Variants in RPRD2 observed in about 807,000 individuals in gnomAD.
RPRD2 encodes the protein regulation of nuclear pre-mRNA domain containing 2, also known as regulation of nuclear pre-mRNA domain-containing protein 2.
A neutral mutation model predicts 104.4 loss-of-function variants in RPRD2; 12 were observed. The observed-to-expected ratio is 0.11, with a 90% CI of 0.07 to 0.19. The LOEUF is 0.19. Ranked by LOEUF, RPRD2 falls within the 10% of genes least tolerant of loss-of-function variation. The pLI, the probability that RPRD2 is intolerant of heterozygous loss-of-function variation, is 1.00. For missense variants in RPRD2, 1,543 were observed against 1,790.1 expected (o/e 0.86, Z 2.49); for synonymous variants, 714 against 684.9 (o/e 1.04, Z -0.66).
chr1:150,395,902 C>T lies in RPRD2; in HGVS notation c.206-21694C>T, dbSNP rs1290142063. 3.3e-5 allele frequency among the ~76,000 whole-genome samples: 5 copies of T among 152,282 alleles called. No individual in the cohort carries two copies. The South Asian group carries it at 8.3e-4, about 25-fold the overall frequency. On this transcript the variant is annotated intron_variant, in intron 1 of 10. Coordinates refer to ENST00000369068, the MANE Select transcript of RPRD2 (RefSeq NM_015203.5). ...CACATGGTAGTTCTACTTTTAGTTCCTTAAGGAATCTCCACACTGTTTTCC... is the reference window on the plus strand; with the variant it reads ...CACATGGTAGTTCTACTTTTAGTTCTTTAAGGAATCTCCACACTGTTTTCC...
At chr1:150,427,472 C>CAAAAA (rs111542386) in intron 2 of RPRD2, among the ~76,000 whole-genome samples, 3 of 125,654 alleles carry the variant, frequency 2.4e-5, no homozygotes, top group Non-Finnish European at 5.1e-5. Context: ...GACTCTATCT[C>CAAAAA]AAAAAAAAAA....
chr1:150,440,229 A>C (rs1350840444), intron 2 of RPRD2, among the ~76,000 whole-genome samples: 1 of 151,610 alleles, frequency 6.6e-6, no homozygotes, highest in Non-Finnish European at 1.5e-5. Context: ...CTGGTCTCAA[A>C]CTCCTGACCT....
chr1:150,383,913 C>A (rs1661342935), intron 1 of RPRD2, among the ~76,000 whole-genome samples: 2 of 152,244 alleles, frequency 1.3e-5, no homozygotes, highest in African/African-American at 4.8e-5. Context: ...ATATACCATA[C>A]TATAGTAGTG....
chr1:150,387,911 C>CTT (rs1224608397), intron 1 of RPRD2, among the ~76,000 whole-genome samples: 4 of 116,966 alleles, frequency 3.4e-5, no homozygotes, highest in African/African-American at 3.7e-5. Context: ...TTTTTCTTTT[C>CTT]TCTTTTTTTT....
chr1:150,394,884 A>G (rs1490761302), intron 1 of RPRD2, among the ~76,000 whole-genome samples: 2 of 152,190 alleles, frequency 1.3e-5, no homozygotes, highest in East Asian at 1.9e-4. Context: ...CCTGGCCACA[A>G]AAATTGCTTC....
chr1:150,439,075 C>T (rs1323671269), intron 2 of RPRD2, among the ~76,000 whole-genome samples: 3 of 152,068 alleles, frequency 2.0e-5, no homozygotes, highest in East Asian at 3.9e-4. Context: ...CCTTGTGATC[C>T]GCCTCCCTCG....
chr1:150,394,163 G>A (rs922749944), intron 1 of RPRD2, among the ~76,000 whole-genome samples: 12 of 151,496 alleles, frequency 7.9e-5, no homozygotes, highest in South Asian at 2.1e-4. Context: ...CGATTCTCCT[G>A]ACTCAGCCTC....
intron 1 of RPRD2, among the ~76,000 whole-genome samples, chr1:150,397,326 G>A (rs1483538664): frequency 6.6e-6 from 1 of 152,036 alleles, no homozygotes; most frequent in Admixed American, 6.6e-5. Context: ...TTGGGTGGTG[G>A]GGAGTCAGGT....
At chr1:150,375,058 G>A (rs1243612951) in intron 1 of RPRD2, among the ~76,000 whole-genome samples, 1 of 150,858 alleles carries the variant, frequency 6.6e-6, no homozygotes, top group Non-Finnish European at 1.5e-5. Context: ...GTTATAGGTG[G>A]TATTTTTCCA....
At position 150,437,799 on chromosome 1, in the gene RPRD2, CA is replaced by C. The variant is rs587722133; in HGVS notation, c.336-3121del. On this transcript the variant is annotated intron_variant, in intron 2 of 10. Coordinates refer to ENST00000369068, the MANE Select transcript of RPRD2 (RefSeq NM_015203.5). ...TTCGCCACGTTGCCCAGGCTGGTCT[CA>C]AACTCCTGGGCTCAGGTGATCCGCC... Among the ~76,000 whole-genome samples, 298 of 151,768 alleles carry C rather than the reference CA, an allele frequency of 2.0e-3. 3 individuals are homozygous for C. Among genetic ancestry groups the C allele is most frequent in the African/African-American group, 6.8e-3 (282 of 41,420 alleles).
chr1:150,366,853 G>A (rs1659879307), intron 1 of RPRD2, among the ~76,000 whole-genome samples: 1 of 152,110 alleles, frequency 6.6e-6, no homozygotes, highest in Non-Finnish European at 1.5e-5. Flanking sequence ...TTGGGCTCTG[G>A]GGCTTTAACT....
At chr1:150,369,834 A>G (rs1572335144) in intron 1 of RPRD2, among the ~76,000 whole-genome samples, 2 of 144,854 alleles carry the variant, frequency 1.4e-5, no homozygotes, top group East Asian at 4.2e-4. Flanking sequence ...AGGCTGGAGT[A>G]CAGTGGCGGA....
intron 2 of RPRD2, among the ~76,000 whole-genome samples, chr1:150,422,137 T>G (rs1047403065): frequency 6.7e-6 from 1 of 149,746 alleles, no homozygotes; most frequent in Non-Finnish European, 1.5e-5. Flanking sequence ...CCTTCCTGAC[T>G]AACACAGTGA....
chr1:150,457,177 T>C (rs1667591075), intron 7 of RPRD2, 111 bp from the exon 8 acceptor site: 3 of 998,480 alleles, frequency 3.0e-6, no homozygotes, highest in Admixed American at 2.7e-5. Flanking sequence ...TGAACCAAGA[T>C]TGTGCCACTA....
chr1:150,398,390 G>A (rs1438914160), intron 1 of RPRD2, among the ~76,000 whole-genome samples: 5 of 151,894 alleles, frequency 3.3e-5, no homozygotes, highest in Non-Finnish European at 7.4e-5. Context: ...TAGAGACGGG[G>A]TTTCACTGTG....
Position 150,464,679 on chromosome 1 carries a change from C to A in RPRD2, c.1564C>A (p.Leu522Met), listed in dbSNP as rs1419238052. The A allele has an allele frequency of 6.2e-7, 1 of 1,612,968 alleles. No homozygotes were observed. The highest frequency in any genetic ancestry group is 1.3e-5 in the African/African-American group (1 of 74,804). Reference protein sequence around the residue: ...SKVEITPESILSALSKTQTQS... With the variant: ...SKVEITPESIMSALSKTQTQS... ...GGTGGAGATCACCCCAGAGAGCATT[C>A]TGTCTGCACTTTCCAAAACCCAGAC... Residue 522 changes from leucine to methionine, a missense_variant, in exon 10 of 11, where the codon CTG (leucine) becomes ATG (methionine). Physicochemically the swap from Leu to Met is conservative, Grantham distance 15. This residue lies in a region of RPRD2 where 572 missense variants were observed against 787.3 expected (regional missense o/e 0.73). Coordinates refer to ENST00000369068, the MANE Select transcript of RPRD2 (RefSeq NM_015203.5).
rs1668848870 is a variant in RPRD2, at chr1:150,475,484, G to T, written c.*2150G>T. 1 of 152,576 alleles carries T rather than the reference G, an allele frequency of 6.6e-6. No homozygotes were observed. The highest frequency in any genetic ancestry group is 1.5e-5 in the Non-Finnish European group (1 of 68,034). 9.5% of individuals were successfully genotyped at this position (152,576 alleles called of 1,614,324 possible). A position where few individuals can be genotyped will look rare whatever the true frequency, so the allele number is the denominator to read the frequency against. ...TCCTGAACGTTGGGGCGGGATAATT[G>T]TCCTCAAAAGTATGATGGTTAATAC... On this transcript the variant is annotated 3_prime_UTR_variant, in exon 11 of 11. Coordinates refer to ENST00000369068, the MANE Select transcript of RPRD2 (RefSeq NM_015203.5).
intron 9 of RPRD2, among the ~76,000 whole-genome samples, 162 bp downstream of exon 9, chr1:150,460,479 C>CTG (rs1446765518): frequency 5.3e-5 from 8 of 152,086 alleles, no homozygotes; most frequent in Admixed American, 2.6e-4. Flanking sequence ...TCTTGGCTCA[C>CTG]TGCAACCTCT....
At chr1:150,454,531 A>G (rs962336865) in intron 7 of RPRD2, among the ~76,000 whole-genome samples, 1 of 152,082 alleles carries the variant, frequency 6.6e-6, no homozygotes, top group Non-Finnish European at 1.5e-5. Flanking sequence ...GCTAGATTCT[A>G]ATGTATTCAT....
Sources: allele counts gnomAD v4.1 joint callset (sites outside exome capture counted in the v4.1 genomes callset), GRCh38; gene constraint gnomAD v4.1.1; regional missense constraint gnomAD v4.1.1; transcripts MANE v1.5; gene names NCBI Gene and HGNC (gene_info 2026-07-23, HGNC 2026-07-21).